TSPAN11: variants seen among roughly 807,000 people sequenced by gnomAD.
TSPAN11 encodes the protein tetraspanin-11.
TSPAN11 carries 29 observed loss-of-function variants against 32.9 expected under a neutral mutation model. The ratio of observed to expected loss-of-function variants is 0.88; its 90% CI spans 0.66 to 1.20. TSPAN11 has a LOEUF of 1.20. Among genes scored for constraint, TSPAN11 ranks in the 50% most tolerant of loss-of-function variants. The pLI is 0.00. For synonymous variants in TSPAN11, 140 were observed against 141.3 expected (o/e 0.99, Z 0.07); for missense variants, 283 against 329.1 (o/e 0.86, Z 1.08).
downstream of TSPAN11, among the ~76,000 whole-genome samples, chr12:30,999,491 G>A (rs557710107): frequency 9.9e-4 from 151 of 152,180 alleles, no homozygotes; most frequent in Middle Eastern, 3.4e-3. Flanking sequence ...ATTAGCCTAC[G>A]TTTCAGCAAA....
chr12:30,963,964 G>A lies in TSPAN11; in HGVS notation c.223G>A (p.Gly75Ser), dbSNP rs376886154. Reference sequence around the variant, plus strand: ...TGCGGGCGTACTTGTCATGGTGACCGGCTTCCTGGGCTTCGGTGCCATCCT... The same window carrying A: ...TGCGGGCGTACTTGTCATGGTGACCAGCTTCCTGGGCTTCGGTGCCATCCT... ...IFAGVLVMVTGFLGFGAILWE... is the reference protein window; with the variant it reads ...IFAGVLVMVTSFLGFGAILWE... The change falls in exon 3 of 8, where the codon GGC becomes AGC. Residue 75 changes from glycine to serine, a missense_variant. Gly to Ser is a moderately conservative substitution (Grantham distance 56, BLOSUM62 0). Coordinates refer to ENST00000546076, the MANE Select transcript of TSPAN11 (RefSeq NM_001370302.1). The A allele has an allele frequency of 2.7e-5, 43 of 1,613,926 alleles. No individual in the cohort carries two copies. The highest frequency in any genetic ancestry group is 1.6e-4 in the Middle Eastern group (1 of 6,084).
the TSPAN11 span, among the ~76,000 whole-genome samples, chr12:31,016,132 A>T: frequency 6.6e-6 from 1 of 152,242 alleles, no homozygotes; most frequent in East Asian, 1.9e-4. Flanking sequence ...TATTTAAAAA[A>T]ATTAAATAGA....
rs767584685 is a variant in TSPAN11, at chr12:30,979,633, C to T, written c.419C>T (p.Thr140Met). The T allele has an allele frequency of 8.1e-6, 13 of 1,614,052 alleles. No homozygotes were observed. Among genetic ancestry groups the T allele is most frequent in the South Asian group, 4.4e-5 (4 of 91,086 alleles). The change falls in exon 5 of 8, where the codon ACG becomes ATG. Residue 140 changes from threonine to methionine, a missense_variant. Physicochemically the swap from Thr to Met is moderately conservative, Grantham distance 81 (BLOSUM62 -1). Transcript: ENST00000546076. ...LAENYGQPGATQITASVDRLQ... is the reference protein window; with the variant it reads ...LAENYGQPGAMQITASVDRLQ... ...GAGAACTACGGGCAGCCCGGAGCCA[C>T]GCAGATCACCGCCTCAGTGGACCGA...
chr12:31,000,580 G>A (rs1230490857), downstream of TSPAN11, among the ~76,000 whole-genome samples: 1 of 152,176 alleles, frequency 6.6e-6, no homozygotes, highest in Non-Finnish European at 1.5e-5. Flanking sequence ...AGGTTCACAT[G>A]GACACCAAAG....
intron 2 of TSPAN11, among the ~76,000 whole-genome samples, chr12:30,961,625 A>G (rs1184136421): frequency 6.6e-6 from 1 of 152,010 alleles, no homozygotes; most frequent in African/African-American, 2.4e-5. Context: ...GCTAAGCCTA[A>G]GGACTGGGAC....
chr12:30,934,897 C>G (rs1224320669), intron 1 of TSPAN11, among the ~76,000 whole-genome samples: 1 of 152,144 alleles, frequency 6.6e-6, no homozygotes, highest in East Asian at 1.9e-4. Flanking sequence ...CCTCCTGAAT[C>G]TAAGAACTCT....
chr12:30,941,587 G>A (rs1363070135), intron 1 of TSPAN11, among the ~76,000 whole-genome samples: 2 of 152,238 alleles, frequency 1.3e-5, no homozygotes, highest in Admixed American at 6.5e-5. Context: ...AGGTCCCTGG[G>A]TGTAGGCCTA....
At chr12:30,970,968 G>A (rs1480638967) in intron 3 of TSPAN11, among the ~76,000 whole-genome samples, 3 of 152,120 alleles carry the variant, frequency 2.0e-5, no homozygotes, top group East Asian at 1.9e-4. Context: ...CCTGTTTGGC[G>A]GGTGGTTCTG....
intron 2 of TSPAN11, 79 bp from the exon 3 acceptor site, chr12:30,963,747 G>C: frequency 6.7e-7 from 1 of 1,486,640 alleles, no homozygotes. Flanking sequence ...AGAAGTGCCT[G>C]GCACCCTGTG....
chr12:30,943,647 A>G (rs935237899), intron 1 of TSPAN11, among the ~76,000 whole-genome samples: 4 of 152,162 alleles, frequency 2.6e-5, no homozygotes, highest in Admixed American at 1.3e-4. Flanking sequence ...CCCCACCCCA[A>G]GCTCCACCAA....
intron 1 of TSPAN11, among the ~76,000 whole-genome samples, chr12:30,950,430 G>A (rs946617467): frequency 6.6e-6 from 1 of 152,166 alleles, no homozygotes; most frequent in Non-Finnish European, 1.5e-5. Flanking sequence ...ATTAGCGGGG[G>A]CAGTTGTACA....
chr12:30,933,957 G>A (rs10843861), intron 1 of TSPAN11, among the ~76,000 whole-genome samples: 84,850 of 151,900 alleles, frequency 0.56, 23,998 homozygotes, highest in East Asian at 0.78. Context: ...AACACACACC[G>A]GGGCCCCCAT....
the TSPAN11 span, among the ~76,000 whole-genome samples, chr12:31,004,838 T>C: frequency 6.6e-6 from 1 of 152,196 alleles, no homozygotes; most frequent in Non-Finnish European, 1.5e-5. Flanking sequence ...TCTGCTGCAT[T>C]TCTGGCAAAG....
At chr12:30,972,697 G>A (rs952830707) in intron 3 of TSPAN11, among the ~76,000 whole-genome samples, 2 of 151,702 alleles carry the variant, frequency 1.3e-5, no homozygotes, top group Non-Finnish European at 2.9e-5. Context: ...ACAGGCATTA[G>A]AATCCATGGC....
chr12:30,964,739 A>G (rs566232632), intron 3 of TSPAN11, among the ~76,000 whole-genome samples: 69 of 152,332 alleles, frequency 4.5e-4, no homozygotes, highest in African/African-American at 1.6e-3. Context: ...CTTTAAAACA[A>G]TTAACAGTCA....
At chr12:31,011,329 G>A in the TSPAN11 span, among the ~76,000 whole-genome samples, 4 of 152,186 alleles carry the variant, frequency 2.6e-5, no homozygotes, top group Admixed American at 6.5e-5. Context: ...CATGACTTAT[G>A]TAGTCCCCCT....
chr12:30,942,120 A>G (rs1938178547), intron 1 of TSPAN11, among the ~76,000 whole-genome samples: 1 of 152,148 alleles, frequency 6.6e-6, no homozygotes, highest in Non-Finnish European at 1.5e-5. Context: ...CGGGCTCTGG[A>G]TGATGTATTT....
chr12:30,987,692 G>C (rs907247266), intron 7 of TSPAN11, among the ~76,000 whole-genome samples: 2 of 152,198 alleles, frequency 1.3e-5, no homozygotes, highest in African/African-American at 4.8e-5. Flanking sequence ...CAGTGTATTC[G>C]TGAAGCTCTC....
chr12:31,005,160 A>G, the TSPAN11 span, among the ~76,000 whole-genome samples: 1 of 152,264 alleles, frequency 6.6e-6, no homozygotes, highest in East Asian at 1.9e-4. Flanking sequence ...AAATTAAGCC[A>G]TTAAAGAAAT....
Sources: gnomAD v4.1 joint callset for allele counts (sites outside exome capture counted in the v4.1 genomes callset) on GRCh38, gnomAD v4.1.1 for gene constraint, MANE v1.5 for transcripts, NCBI Gene and HGNC (gene_info 2026-07-23, HGNC 2026-07-21) for gene names.